Variants in ARFGEF3 observed in about 807,000 individuals in gnomAD.
ARFGEF3 encodes brefeldin A-inhibited guanine nucleotide-exchange protein 3.
In ARFGEF3, 96 loss-of-function variants were observed where a neutral mutation model predicts 221.7. That is an observed-to-expected ratio of 0.43 (90% CI 0.37 to 0.51). The LOEUF (loss-of-function observed/expected upper bound fraction) is 0.51, where lower values mean the gene tolerates loss of function less well. Ranked by LOEUF, ARFGEF3 falls within the 20% of genes least tolerant of loss-of-function variation. ARFGEF3 has a pLI of 0.00. For missense variants in ARFGEF3, 2,410 were observed against 2,789.9 expected, an observed-to-expected ratio of 0.86 and a Z score of 3.07; for synonymous variants, 1,145 against 1,126.8, an observed-to-expected ratio of 1.02 and a Z score of -0.32.
chr6:138,185,348 C>G (rs1452978576), intron 2 of ARFGEF3, among the ~76,000 whole-genome samples: 1 of 152,158 alleles, frequency 6.6e-6, no homozygotes, highest in Non-Finnish European at 1.5e-5. Context: ...TGGAGCTAAT[C>G]TGCCTCCTTG....
chr6:138,202,681 CAAA>C (rs11312359), intron 2 of ARFGEF3, among the ~76,000 whole-genome samples: 5 of 117,154 alleles, frequency 4.3e-5, no homozygotes, highest in South Asian at 2.8e-4. Context: ...TATTTACTAG[CAAA>C]AAAAAAAAAA....
chr6:138,246,760 C>A (rs1340583517), intron 8 of ARFGEF3, among the ~76,000 whole-genome samples: 4 of 152,012 alleles, frequency 2.6e-5, no homozygotes, highest in African/African-American at 9.7e-5. Flanking sequence ...TTGAATAAGT[C>A]TAAAGATCAA....
At chr6:138,184,873 C>T (rs1223056256) in intron 2 of ARFGEF3, among the ~76,000 whole-genome samples, 1 of 152,222 alleles carries the variant, frequency 6.6e-6, no homozygotes, top group East Asian at 1.9e-4. Flanking sequence ...TACTGCAACA[C>T]ATACTTACCT....
At chr6:138,320,487 G>C (rs1461438648) in intron 28 of ARFGEF3, among the ~76,000 whole-genome samples, 1 of 152,238 alleles carries the variant, frequency 6.6e-6, no homozygotes, top group Non-Finnish European at 1.5e-5. Flanking sequence ...AGCCACATGT[G>C]TGAAGATGTG....
At chr6:138,196,222 C>T (rs1242942898) in intron 2 of ARFGEF3, among the ~76,000 whole-genome samples, 4 of 152,142 alleles carry the variant, frequency 2.6e-5, no homozygotes, top group Non-Finnish European at 5.9e-5. Context: ...ATAATACAGT[C>T]ATGCATGACT....
chr6:138,226,927 G>T (rs933350695), intron 4 of ARFGEF3, among the ~76,000 whole-genome samples: 3 of 152,198 alleles, frequency 2.0e-5, no homozygotes, highest in Non-Finnish European at 2.9e-5. Context: ...CATCAGCCCT[G>T]TAATTAAAAT....
In ARFGEF3 at chr6:138,286,856, G is replaced by A; in HGVS notation, c.2725G>A (p.Asp909Asn). 2 of 1,613,918 alleles carry A rather than the reference G, an allele frequency of 1.2e-6. No homozygotes were observed. The highest frequency in any genetic ancestry group is 1.7e-6 in the Non-Finnish European group (2 of 1,179,912). The change falls in exon 16 of 34, where the codon GAC becomes AAC. Residue 909 changes from aspartate to asparagine, a missense_variant. Asp to Asn is a conservative substitution (Grantham distance 23). Transcript: ENST00000251691. ...GIKEQNQKER[D>N]AICMSLDGLR... is the part of the protein sequence containing the mutation. Reference sequence around the variant, plus strand: ...CAAAGAGCAGAACCAGAAGGAGCGGGACGCCATCTGCATGAGCCTCGACGG... The same window carrying A: ...CAAAGAGCAGAACCAGAAGGAGCGGAACGCCATCTGCATGAGCCTCGACGG...
rs200522452 is a variant in ARFGEF3 at position 138,263,349 on chromosome 6, G to A, written c.1866G>A (p.Ser622=). ...ACTCTATGGCAGCAGAAAAGGACTC[G>A]GGCAGGTCCGACGTGTCAGACATTG... The part of the protein sequence containing the change: ...DQYSMAAEKD[S]GRSDVSDIGS... The change falls in exon 12 of 34, where the codon TCG becomes TCA. Residue 622 remains serine (S), a synonymous_variant. Transcript: ENST00000251691. The A allele has an allele frequency of 1.3e-5, 21 of 1,613,864 alleles. No individual in the cohort carries two copies. Among genetic ancestry groups the A allele is most frequent in the Middle Eastern group, 1.6e-4 (1 of 6,084 alleles).
chr6:138,191,041 G>A (rs1777294593), intron 2 of ARFGEF3, among the ~76,000 whole-genome samples: 1 of 152,112 alleles, frequency 6.6e-6, no homozygotes, highest in African/African-American at 2.4e-5. Flanking sequence ...AAATGGACAG[G>A]ATAATAGCCA....
Position 138,176,652 on chromosome 6 carries a change from C to G in ARFGEF3, c.137+5939C>G, listed in dbSNP as rs1306118278. Among the ~76,000 whole-genome samples, 3 of 152,070 alleles carry G rather than the reference C, an allele frequency of 2.0e-5. No individual in the cohort carries two copies. The East Asian group carries it at 5.8e-4, about 29-fold the overall frequency. On this transcript the variant is annotated intron_variant, in intron 2 of 33. Coordinates refer to ENST00000251691, the MANE Select transcript of ARFGEF3 (RefSeq NM_020340.5). ...TGTCTCTGTGGTTTGGTGGAATTCT[C>G]TCTTGTTGCCATTCATTCCTTTCTC...
intron 13 of ARFGEF3, 52 bp from the exon 14 acceptor site, chr6:138,279,947 T>C: frequency 3.2e-6 from 5 of 1,583,654 alleles, no homozygotes; most frequent in Non-Finnish European, 4.3e-6. Flanking sequence ...CTTAGGAGCC[T>C]GTTAGTGAGC....
chr6:138,162,743 G>T lies in ARFGEF3; in HGVS notation c.85+572G>T, dbSNP rs1423870539. On this transcript the variant is annotated intron_variant, in intron 1 of 33. Transcript: ENST00000251691. The surrounding 1 kb of genome is among the most constrained non-coding windows in gnomAD (Gnocchi z 4.7). ...CCCTTCAGACAGGTGGGATTTTAGG[G>T]CTGTGAGCTGTGCTAGCGTTGAAGT... 3.3e-5 allele frequency among the ~76,000 whole-genome samples: 5 copies of T among 152,170 alleles called. No homozygotes were observed. The highest frequency in any genetic ancestry group is 2.0e-4 in the Admixed American group (3 of 15,288).
rs12662715 is a variant in ARFGEF3 at position 138,281,674 on chromosome 6, C to T, written c.2461+1510C>T. On this transcript the variant is annotated intron_variant, in intron 14 of 33. Coordinates refer to ENST00000251691, the MANE Select transcript of ARFGEF3 (RefSeq NM_020340.5). ...TCTTTTTTATGGTTGTGTAGTGTTC[C>T]GTGGTGTATATGGACCACAAGAACT... 3.8e-3 allele frequency among the ~76,000 whole-genome samples: 575 copies of T among 152,256 alleles called. 17 individuals are homozygous for T. The East Asian group carries it at 0.053, about 14-fold the overall frequency.
At chr6:138,192,126 C>T (rs1482454707) in intron 2 of ARFGEF3, among the ~76,000 whole-genome samples, 1 of 152,160 alleles carries the variant, frequency 6.6e-6, no homozygotes, top group African/African-American at 2.4e-5. Flanking sequence ...CCAAAGCCTG[C>T]CCTTTTCTCT....
chr6:138,286,089 A>ATGGATGTT, intron 15 of ARFGEF3, 36 bp downstream of exon 15: 4 of 1,137,632 alleles, frequency 3.5e-6, no homozygotes, highest in Non-Finnish European at 5.3e-6. Context: ...GAACATCCAT[A>ATGGATGTT]CACTGCATGT....
At chr6:138,206,820 T>C (rs865994232) in intron 2 of ARFGEF3, among the ~76,000 whole-genome samples, 1 of 152,220 alleles carries the variant, frequency 6.6e-6, no homozygotes, top group Non-Finnish European at 1.5e-5. Flanking sequence ...TTGTGTTTGC[T>C]CTTCCTGTAG....
At chr6:138,244,256 C>T (rs950490238) in intron 7 of ARFGEF3, among the ~76,000 whole-genome samples, 1 of 152,238 alleles carries the variant, frequency 6.6e-6, no homozygotes, top group Admixed American at 6.5e-5. Context: ...TCCCTGCCTT[C>T]CTCCAACCTT....
chr6:138,218,389 C>T (rs757523859), intron 4 of ARFGEF3: 27 of 1,536,278 alleles, frequency 1.8e-5, no homozygotes, highest in Non-Finnish European at 2.3e-5. Flanking sequence ...CTTAAGAAGG[C>T]CCTCATATTT....
chr6:138,246,268 A>G (rs1404955504), intron 8 of ARFGEF3, among the ~76,000 whole-genome samples: 1 of 152,016 alleles, frequency 6.6e-6, no homozygotes, highest in African/African-American at 2.4e-5. Context: ...TACATATGCC[A>G]TGAATTGCAA....
Sources: allele counts gnomAD v4.1 joint callset (sites outside exome capture counted in the v4.1 genomes callset), GRCh38; gene constraint gnomAD v4.1.1; non-coding constraint Gnocchi (gnomAD v3.1); transcripts MANE v1.5; gene names NCBI Gene and HGNC (gene_info 2026-07-23, HGNC 2026-07-21).